NRAP: variants seen among roughly 807,000 people sequenced by gnomAD.
NRAP encodes nebulin-related-anchoring protein.
Under a neutral mutation model 225.9 loss-of-function variants are expected in NRAP, and 189 were observed. That is an observed-to-expected ratio of 0.84 (90% CI 0.74 to 0.94). The LOEUF is 0.94. NRAP is among the 40% of genes least tolerant of loss of function. NRAP has a pLI of 0.00. For missense variants in NRAP, 2,176 were observed against 2,168.7 expected (o/e 1.00, Z -0.07); for synonymous variants, 769 against 790.7 (o/e 0.97, Z 0.46).
At chr10:113,660,374 C>CAT (rs964410041) in intron 3 of NRAP, among the ~76,000 whole-genome samples, 12 of 151,984 alleles carry the variant, frequency 7.9e-5, no homozygotes, top group African/African-American at 9.7e-5. Context: ...TGCACACACA[C>CAT]ATATATATAC....
At chr10:113,641,676 A>G (rs1849212524) in intron 12 of NRAP, among the ~76,000 whole-genome samples, 1 of 152,220 alleles carries the variant, frequency 6.6e-6, no homozygotes, top group South Asian at 2.1e-4. Context: ...TTGGAGTAAG[A>G]CAGGAAGACA....
At chr10:113,636,305 C>T (rs2134065829) in intron 14 of NRAP, among the ~76,000 whole-genome samples, 1 of 152,338 alleles carries the variant, frequency 6.6e-6, no homozygotes, top group South Asian at 2.1e-4. Context: ...CACACCTTGG[C>T]CACTCTTGTA....
At chr10:113,646,752 A>T (rs1408423478) in intron 10 of NRAP, among the ~76,000 whole-genome samples, 171 bp downstream of exon 10, 1 of 152,252 alleles carries the variant, frequency 6.6e-6, no homozygotes, top group Non-Finnish European at 1.5e-5. Flanking sequence ...CCTTGGAAGC[A>T]GACAAATGGG....
At chr10:113,606,360 G>T (rs74763991) in intron 32 of NRAP, 78 bp from the exon 33 acceptor site, 4 of 843,316 alleles carry the variant, frequency 4.7e-6, no homozygotes, top group South Asian at 1.5e-5. Flanking sequence ...GTCCCTCAAC[G>T]ATAGTTGAGG....
chr10:113,611,822 T>C (rs919020794), intron 30 of NRAP, among the ~76,000 whole-genome samples: 1 of 152,172 alleles, frequency 6.6e-6, no homozygotes, highest in African/African-American at 2.4e-5. Context: ...ATCTTAAACA[T>C]GCACAACCAT....
rs916686602 is a variant in NRAP, at chr10:113,603,925, C to T, written c.4227+684G>A. The stretch of plus-strand genomic sequence containing the variant: ...ACACACGCACACTCACACCTCCTGC[C>T]CCACTTCCCTGCTCTATATGTCTCC... On this transcript the variant is annotated intron_variant, in intron 35 of 41. Coordinates refer to ENST00000359988, the MANE Select transcript of NRAP (RefSeq NM_198060.4). Among the ~76,000 whole-genome samples, 14 of 152,178 alleles carry T rather than the reference C, an allele frequency of 9.2e-5. No homozygotes were observed. In the East Asian group the frequency reaches 2.5e-3, roughly 27 times the overall value.
rs1488387393 is a variant in NRAP, at chr10:113,609,635, A to G, written c.3603+824T>C. Among the ~76,000 whole-genome samples, 8 of 152,228 alleles carry G rather than the reference A, an allele frequency of 5.3e-5. 1 individual carries two copies. The highest frequency in any genetic ancestry group is 1.9e-4 in the African/African-American group (8 of 41,464). ...TCATATACAGCTGCCAGAAAAGCAC[A>G]GTGCTTAGATTAGTGCTAATCCTCA... On this transcript the variant is annotated intron_variant, in intron 31 of 41. Transcript: ENST00000359988.
chr10:113,624,654 C>A (rs777824197), intron 22 of NRAP, among the ~76,000 whole-genome samples, 172 bp downstream of exon 22: 5 of 152,194 alleles, frequency 3.3e-5, no homozygotes, highest in Non-Finnish European at 5.9e-5. Context: ...CTCCTCTCCC[C>A]CTAAAACACT....
rs2133910596 is a variant in NRAP, at chr10:113,607,877, T to C, written c.3702+537A>G. On this transcript the variant is annotated intron_variant, in intron 32 of 41. Transcript: ENST00000359988. ...GATTCCTTCCCTTGCACCTGCCCTC[T>C]GCTGGATACATGAAAGTGTAAATTG... Among the ~76,000 whole-genome samples the C allele has an allele frequency of 1.3e-5, 2 of 152,350 alleles. 1 individual carries two copies. Among genetic ancestry groups the C allele is most frequent in the Admixed American group, 1.3e-4 (2 of 15,298 alleles).
intron 21 of NRAP, among the ~76,000 whole-genome samples, 173 bp from the exon 22 acceptor site, chr10:113,625,103 GAGA>G (rs1460747127): frequency 3.3e-5 from 5 of 152,188 alleles, no homozygotes; most frequent in Non-Finnish European, 5.9e-5. Context: ...GAGATGATGA[GAGA>G]AGGAGAAGCA....
Position 113,651,869 on chromosome 10 carries a change from C to T in NRAP, c.609G>A (p.Arg203=), listed in dbSNP as rs1325522466. ...YKRGHDERIS[R]FSTVVDTPEL... ...CAGGAGTATCCACCACCGTGGAGAACCTGGAGATGCGTTCATCATGCCCTC... is the reference window on the plus strand; with the variant it reads ...CAGGAGTATCCACCACCGTGGAGAATCTGGAGATGCGTTCATCATGCCCTC... The change falls in exon 7 of 42, where the codon AGG becomes AGA. Residue 203 remains arginine, a synonymous_variant. Coordinates refer to ENST00000359988, the MANE Select transcript of NRAP (RefSeq NM_198060.4). 4 of 1,613,390 alleles carry T rather than the reference C, an allele frequency of 2.5e-6. No homozygotes were observed. Among genetic ancestry groups the T allele is most frequent in the Admixed American group, 1.7e-5 (1 of 60,006 alleles).
intron 14 of NRAP, among the ~76,000 whole-genome samples, chr10:113,639,347 TC>T (rs1251669014): frequency 6.6e-6 from 1 of 152,158 alleles, no homozygotes; most frequent in African/African-American, 2.4e-5. Context: ...ACCAACTGAA[TC>T]CTACTGCCCC....
chr10:113,596,440 C>G (rs186870792), intron 37 of NRAP, among the ~76,000 whole-genome samples: 1 of 152,330 alleles, frequency 6.6e-6, no homozygotes, highest in Admixed American at 6.5e-5. Flanking sequence ...TGAAATGGAG[C>G]AGCTCTGTCA....
Position 113,641,429 on chromosome 10 carries a change from T to C in NRAP, c.1259A>G (p.Tyr420Cys), listed in dbSNP as rs1380251696. ...ENYQNHMRGR[Y>C]EGVGMDRRTL... is the part of the protein sequence containing the mutation. ...GCGTCTGTCCATACCAACTCCTTCATAGCGGCCTCTCATGTGGTTCTGGTA... is the reference window on the plus strand; with the variant it reads ...GCGTCTGTCCATACCAACTCCTTCACAGCGGCCTCTCATGTGGTTCTGGTA... Residue 420 changes from tyrosine to cysteine, a missense_variant, in exon 13 of 42, where the codon TAT (tyrosine) becomes TGT (cysteine). Around this residue, in one of 3 missense-constraint regions of NRAP, gnomAD observed 1,708 missense variants for 1,695.5 expected, o/e 1.01. Transcript: ENST00000359988. 3 of 1,614,026 alleles carry C rather than the reference T, an allele frequency of 1.9e-6. No individual in the cohort carries two copies. The highest frequency in any genetic ancestry group is 1.6e-4 in the Middle Eastern group (1 of 6,062).
chr10:113,597,266 C>T lies in NRAP; in HGVS notation c.4333-82G>A, dbSNP rs899113444. ...AGGGTGCAGCTTCACTCCACCTTCT[C>T]AGTACCTAACATGCCAATCATATTG... On this transcript the variant is annotated intron_variant, in intron 36 of 41. Coordinates refer to ENST00000359988, the MANE Select transcript of NRAP (RefSeq NM_198060.4). 1.2e-5 allele frequency: 10 copies of T among 822,502 alleles called. No homozygotes were observed. The Admixed American group carries it at 1.2e-4, about 10-fold the overall frequency. The allele number at this position is 822,502 out of a possible 1,614,324, so 51.0% of individuals were successfully genotyped here. A position where few individuals can be genotyped will look rare whatever the true frequency, so the allele number is the denominator to read the frequency against.
At chr10:113,659,668 C>T (rs1030386916) in intron 3 of NRAP, among the ~76,000 whole-genome samples, 3 of 152,030 alleles carry the variant, frequency 2.0e-5, no homozygotes, top group Admixed American at 6.6e-5. Context: ...AGAAGAAAAC[C>T]CTAGATGTTT....
rs150052980 is a variant in NRAP at position 113,595,658 on chromosome 10, T to G, written c.4501A>C (p.Thr1501Pro). ...YTLIPDHPDF[T>P]RARLNALHLS... ...TGCAGCGCATTGAGGCGAGCTCGGGTGAAATCGGGATGGTCGGGGATCAGG... is the reference window on the plus strand; with the variant it reads ...TGCAGCGCATTGAGGCGAGCTCGGGGGAAATCGGGATGGTCGGGGATCAGG... Residue 1501 changes from threonine to proline, a missense_variant, in exon 38 of 42, where the codon ACC (threonine) becomes CCC (proline). By Grantham distance (38) the Thr-to-Pro change is conservative (BLOSUM62 -1). Coordinates refer to ENST00000359988, the MANE Select transcript of NRAP (RefSeq NM_198060.4). 42 of 1,613,818 alleles carry G rather than the reference T, an allele frequency of 2.6e-5. No homozygotes were observed. In the African/African-American group the frequency reaches 3.9e-4, roughly 15 times the overall value.
At chr10:113,650,788 G>T (rs1849913519) in intron 7 of NRAP, among the ~76,000 whole-genome samples, 1 of 152,224 alleles carries the variant, frequency 6.6e-6, no homozygotes, top group East Asian at 1.9e-4. Context: ...CTAAGCACCT[G>T]GTGTGGGCCA....
intron 34 of NRAP, 33 bp from the exon 35 acceptor site, chr10:113,604,953 C>G (rs190748519): frequency 6.3e-7 from 1 of 1,591,448 alleles, no homozygotes; most frequent in East Asian, 2.2e-5. Flanking sequence ...CAAATTCTAT[C>G]TGTGCGTTTT....
Sources: gnomAD v4.1 joint callset for allele counts (sites outside exome capture counted in the v4.1 genomes callset) on GRCh38, gnomAD v4.1.1 for gene constraint, gnomAD v4.1.1 regional missense constraint, MANE v1.5 for transcripts, NCBI Gene and HGNC (gene_info 2026-07-23, HGNC 2026-07-21) for gene names.